Variants in GLRA3 observed in about 807,000 individuals in gnomAD.
The protein encoded by GLRA3 is glycine receptor alpha 3, also known as glycine receptor subunit alpha-3.
In GLRA3, 44 loss-of-function variants were observed where a neutral mutation model predicts 60.4. The observed-to-expected ratio is 0.73, with a 90% CI of 0.57 to 0.94. The LOEUF is 0.94. Ranked by LOEUF, GLRA3 falls within the 40% of genes least tolerant of loss-of-function variation. The probability of loss-of-function intolerance (pLI) is 0.00; values close to 1 mark genes in which losing one functional copy is unlikely to be tolerated. For synonymous variants in GLRA3, 223 were observed against 192.9 expected (o/e 1.16, Z -1.29); for missense variants, 508 against 564.6 (o/e 0.90, Z 1.02).
chr4:174,823,795 G>T (rs1026647123), intron 1 of GLRA3, among the ~76,000 whole-genome samples: 5 of 152,050 alleles, frequency 3.3e-5, no homozygotes, highest in Admixed American at 2.0e-4. Context: ...TAATGTTAAG[G>T]TCCTCTTGAT....
At chr4:174,668,599 A>G (rs939685031) in intron 7 of GLRA3, among the ~76,000 whole-genome samples, 3 of 152,160 alleles carry the variant, frequency 2.0e-5, no homozygotes, top group South Asian at 2.1e-4. Context: ...CTAAATTATA[A>G]CCCAGATGAC....
chr4:174,814,417 T>C (rs1740397470), intron 1 of GLRA3, among the ~76,000 whole-genome samples: 1 of 152,186 alleles, frequency 6.6e-6, no homozygotes, highest in Admixed American at 6.5e-5. Context: ...CCCTCTGAAG[T>C]CAAGCTGCTT....
chr4:174,767,069 T>C, intron 2 of GLRA3, 39 bp from the exon 3 acceptor site: 1 of 1,062,440 alleles, frequency 9.4e-7, no homozygotes, highest in Non-Finnish European at 1.5e-6. Context: ...GTTTAGAGAC[T>C]TATCTAAAAC....
chr4:174,681,424 T>G (rs1734336723), intron 6 of GLRA3, among the ~76,000 whole-genome samples: 1 of 152,268 alleles, frequency 6.6e-6, no homozygotes, highest in South Asian at 2.1e-4. Context: ...AATGAAATTG[T>G]CCTGGATAAG....
intron 5 of GLRA3, among the ~76,000 whole-genome samples, chr4:174,686,509 G>T (rs66471235): frequency 0.42 from 64,259 of 152,042 alleles, 14,123 homozygotes; most frequent in Middle Eastern, 0.54. Context: ...AATGGCTCAG[G>T]GCAACCAAAC....
chr4:174,727,312 A>C (rs773872235), intron 4 of GLRA3, among the ~76,000 whole-genome samples: 4 of 152,238 alleles, frequency 2.6e-5, no homozygotes, highest in African/African-American at 4.8e-5. Flanking sequence ...GATATTGGGC[A>C]TATGAACTCC....
chr4:174,763,420 A>C (rs1738011383), intron 3 of GLRA3, among the ~76,000 whole-genome samples: 1 of 152,172 alleles, frequency 6.6e-6, no homozygotes, highest in Non-Finnish European at 1.5e-5. Context: ...ACATTTTACA[A>C]AACTTTTCTC....
chr4:174,721,548 G>A (rs11725853), intron 4 of GLRA3, among the ~76,000 whole-genome samples: 39,186 of 151,198 alleles, frequency 0.26, 5,153 homozygotes, highest in East Asian at 0.32. Context: ...TAAGAATGAG[G>A]CACTAAAAAC....
chr4:174,782,849 C>T (rs906173554), intron 2 of GLRA3, among the ~76,000 whole-genome samples: 1 of 152,048 alleles, frequency 6.6e-6, no homozygotes, highest in African/African-American at 2.4e-5. Context: ...ACATTCCATG[C>T]TCATGGGTAG....
chr4:174,762,598 C>T (rs1458418983), intron 3 of GLRA3, among the ~76,000 whole-genome samples: 2 of 151,996 alleles, frequency 1.3e-5, no homozygotes, highest in African/African-American at 2.4e-5. Context: ...AAAATAAAAG[C>T]TTTCATTTAA....
chr4:174,704,731 T>C (rs1327377066), intron 5 of GLRA3, among the ~76,000 whole-genome samples: 21 of 143,924 alleles, frequency 1.5e-4, no homozygotes, highest in African/African-American at 4.8e-4. Context: ...TAAAATATTA[T>C]ATACATACAA....
intron 3 of GLRA3, among the ~76,000 whole-genome samples, chr4:174,740,566 A>C (rs1174274354): frequency 2.0e-5 from 3 of 152,230 alleles, no homozygotes; most frequent in Admixed American, 6.5e-5. Context: ...ATCCACATAC[A>C]TGTGAGACCT....
chr4:174,797,429 T>C (rs1346750857), intron 1 of GLRA3, among the ~76,000 whole-genome samples: 1 of 152,180 alleles, frequency 6.6e-6, no homozygotes, highest in East Asian at 1.9e-4. Context: ...AAGTATTTCA[T>C]TTACTATTAA....
At chr4:174,762,935 AG>A (rs1427190008) in intron 3 of GLRA3, among the ~76,000 whole-genome samples, 6 of 152,318 alleles carry the variant, frequency 3.9e-5, no homozygotes, top group African/African-American at 1.2e-4. Flanking sequence ...ATCAGAATTC[AG>A]AAGTCTTTTA....
At chr4:174,725,231 A>T (rs998783883) in intron 4 of GLRA3, among the ~76,000 whole-genome samples, 2 of 152,104 alleles carry the variant, frequency 1.3e-5, no homozygotes, top group Non-Finnish European at 2.9e-5. Context: ...CAGATTGGGT[A>T]ATTTTTGTTA....
intron 5 of GLRA3, among the ~76,000 whole-genome samples, chr4:174,711,564 C>T (rs1036638337): frequency 1.8e-4 from 27 of 151,772 alleles, no homozygotes; most frequent in African/African-American, 5.3e-4. Context: ...CTCAGCCACC[C>T]GAGCAGCTGG....
chr4:174,779,594 T>C (rs1352135576), intron 2 of GLRA3, among the ~76,000 whole-genome samples: 2 of 151,946 alleles, frequency 1.3e-5, no homozygotes, highest in African/African-American at 2.4e-5. Flanking sequence ...ATAACTAGAA[T>C]AACCAATACA....
intron 5 of GLRA3, among the ~76,000 whole-genome samples, chr4:174,706,090 C>T (rs551993370): frequency 2.6e-5 from 4 of 151,982 alleles, no homozygotes; most frequent in South Asian, 2.1e-4. Context: ...ATTAGCCGGG[C>T]GTGGTGGCGG....
intron 7 of GLRA3, among the ~76,000 whole-genome samples, chr4:174,672,313 A>G (rs1733937767): frequency 6.6e-6 from 1 of 152,156 alleles, no homozygotes; most frequent in Non-Finnish European, 1.5e-5. Flanking sequence ...AGCGTGGTCT[A>G]AGAAAGGAGA....
Sources: allele counts gnomAD v4.1 joint callset (sites outside exome capture counted in the v4.1 genomes callset), GRCh38; gene constraint gnomAD v4.1.1; transcripts MANE v1.5; gene names NCBI Gene and HGNC (gene_info 2026-07-23, HGNC 2026-07-21).